Variants in SLIT1 observed in about 807,000 individuals in gnomAD.
SLIT1 encodes the protein slit guidance ligand 1, also known as slit homolog 1 protein.
In SLIT1, 66 loss-of-function variants were observed where a neutral mutation model predicts 186.1. The ratio of observed to expected loss-of-function variants is 0.35; its 90% CI spans 0.29 to 0.44. The LOEUF (loss-of-function observed/expected upper bound fraction) is 0.44, where lower values mean the gene tolerates loss of function less well. Ranked by LOEUF, SLIT1 falls within the 20% of genes least tolerant of loss-of-function variation. The pLI is 1.00. For synonymous variants in SLIT1, 761 were observed against 833.8 expected (o/e 0.91, Z 1.50); for missense variants, 1,638 against 2,037.4 (o/e 0.80, Z 3.77).
At position 97,002,191 on chromosome 10, in the gene SLIT1, C is replaced by A; in HGVS notation, c.4333G>T (p.Asp1445Tyr). Residue 1445 changes from aspartate (D) to tyrosine (Y), a missense_variant, in exon 36 of 37, where the codon GAC becomes TAC. Around this residue, in one of 3 missense-constraint regions of SLIT1, gnomAD observed 220 missense variants for 211.3 expected, o/e 1.04. Coordinates refer to ENST00000266058, the MANE Select transcript of SLIT1 (RefSeq NM_003061.3). The part of the protein sequence containing the change: ...SGTKGAHCVC[D>Y]PGFSGELCEQ... ...CACAGCTCGCCCGAAAAGCCGGGGT[C>A]ACACACACAGTGTGCCCCCTTGGTG... 2 of 1,533,420 alleles carry A rather than the reference C, an allele frequency of 1.3e-6. No homozygotes were observed. Among genetic ancestry groups the A allele is most frequent in the South Asian group, 2.4e-5 (2 of 83,148 alleles). 95.0% of individuals were successfully genotyped at this position (1,533,420 alleles called of 1,614,324 possible).
At chr10:97,087,170 C>T (rs1849169838) in intron 4 of SLIT1, among the ~76,000 whole-genome samples, 2 of 150,562 alleles carry the variant, frequency 1.3e-5, no homozygotes, top group Non-Finnish European at 2.9e-5. Flanking sequence ...AGCCCCCTGC[C>T]GCCACCACCC....
At chr10:97,163,341 G>GC (rs1423480193) in intron 3 of SLIT1, 39 bp downstream of exon 3, 3 of 1,576,350 alleles carry the variant, frequency 1.9e-6, no homozygotes, top group South Asian at 1.1e-5. Context: ...TCTCGTGCCA[G>GC]CCCCCCGCCC....
At chr10:97,165,016 C>T (rs1850085260) in intron 1 of SLIT1, 126 bp from the exon 2 acceptor site, 3 of 715,902 alleles carry the variant, frequency 4.2e-6, no homozygotes, top group East Asian at 5.4e-5. Flanking sequence ...CTGGGGGCTT[C>T]TGTGAGTTGA....
chr10:97,133,190 C>T (rs1472045872), intron 4 of SLIT1, among the ~76,000 whole-genome samples: 1 of 152,144 alleles, frequency 6.6e-6, no homozygotes, highest in African/African-American at 2.4e-5. Context: ...AAAAGGAAAT[C>T]CTGACACATG....
At chr10:97,082,978 T>C (rs1849120660) in intron 4 of SLIT1, among the ~76,000 whole-genome samples, 1 of 152,212 alleles carries the variant, frequency 6.6e-6, no homozygotes, top group Non-Finnish European at 1.5e-5. Context: ...AGTGGCATAA[T>C]TGTAGCTCAC....
chr10:97,114,990 C>T (rs758306013), intron 4 of SLIT1, among the ~76,000 whole-genome samples: 12 of 152,202 alleles, frequency 7.9e-5, no homozygotes, highest in Non-Finnish European at 1.6e-4. Context: ...CCTGCCATTA[C>T]CCATGACAGT....
chr10:97,083,432 G>A (rs141796900), intron 4 of SLIT1, among the ~76,000 whole-genome samples: 1 of 152,330 alleles, frequency 6.6e-6, no homozygotes, highest in African/African-American at 2.4e-5. Context: ...TATGTCGGCA[G>A]TGACACTTGA....
chr10:97,046,733 T>A lies in SLIT1; in HGVS notation c.1774A>T (p.Ser592Cys), dbSNP rs1589373653. The change falls in exon 18 of 37, where the codon AGC becomes TGC. Residue 592 changes from serine to cysteine, a missense_variant. By Grantham distance (112) the Ser-to-Cys change is moderately radical. Around this residue, in one of 3 missense-constraint regions of SLIT1, gnomAD observed 1,245 missense variants for 1,535.3 expected, o/e 0.81. Coordinates refer to ENST00000266058, the MANE Select transcript of SLIT1 (RefSeq NM_003061.3). Reference protein sequence around the residue: ...DGAFEGAASVSELHLTANQLE... With the variant: ...DGAFEGAASVCELHLTANQLE... Reference sequence around the variant, plus strand: ...TGGTTGGCAGTTAGGTGCAGCTCGCTCACAGAGGCTGCGCCCTCGAAGGCC... The same window carrying A: ...TGGTTGGCAGTTAGGTGCAGCTCGCACACAGAGGCTGCGCCCTCGAAGGCC... The A allele has an allele frequency of 6.2e-7, 1 of 1,612,614 alleles. No individual in the cohort carries two copies. Among genetic ancestry groups the A allele is most frequent in the East Asian group, 2.2e-5 (1 of 44,888 alleles).
chr10:97,079,320 A>G (rs1003349341), intron 4 of SLIT1, among the ~76,000 whole-genome samples: 4 of 151,992 alleles, frequency 2.6e-5, no homozygotes, highest in Non-Finnish European at 5.9e-5. Context: ...GCTTCTAGGA[A>G]CTCATGATGT....
intron 1 of SLIT1, among the ~76,000 whole-genome samples, chr10:97,174,142 T>C (rs1850226736): frequency 6.6e-6 from 1 of 152,074 alleles, no homozygotes; most frequent in Non-Finnish European, 1.5e-5. Context: ...CCCACTTATC[T>C]CCTCTGGAGC....
intron 4 of SLIT1, among the ~76,000 whole-genome samples, chr10:97,115,508 G>A (rs1849501028): frequency 6.6e-6 from 1 of 152,140 alleles, no homozygotes; most frequent in Admixed American, 6.5e-5. Flanking sequence ...GTTCTCTGGA[G>A]ATGAGAAGCC....
intron 1 of SLIT1, among the ~76,000 whole-genome samples, chr10:97,168,030 T>C (rs1007339632): frequency 6.6e-6 from 1 of 152,208 alleles, no homozygotes; most frequent in Non-Finnish European, 1.5e-5. Flanking sequence ...AAACTGCTTA[T>C]GTAGAAACTC....
chr10:97,137,527 T>C (rs1269855187), intron 4 of SLIT1, among the ~76,000 whole-genome samples: 1 of 152,140 alleles, frequency 6.6e-6, no homozygotes, highest in East Asian at 1.9e-4. Context: ...AAGCTTAATG[T>C]TTCTTTTCCT....
rs1378555692 is a variant in SLIT1 at position 97,063,470 on chromosome 10, C to G, written c.778G>C (p.Glu260Gln). 4.3e-6 allele frequency: 7 copies of G among 1,612,658 alleles called. No homozygotes were observed. The highest frequency in any genetic ancestry group is 5.9e-6 in the Non-Finnish European group (7 of 1,179,978). Residue 260 changes from glutamate (E) to glutamine (Q), a missense_variant, in exon 8 of 37, where the codon GAG (glutamate) becomes CAG (glutamine). Glu to Gln is a conservative substitution (Grantham distance 29). Around this residue, in one of 3 missense-constraint regions of SLIT1, gnomAD observed 1,245 missense variants for 1,535.3 expected, o/e 0.81. Coordinates refer to ENST00000266058, the MANE Select transcript of SLIT1 (RefSeq NM_003061.3). The part of the protein sequence containing the change: ...GLNVAEVQKS[E>Q]FSCSGQGEAG... ...CTGCACCCACCTGAGCAGCTGAACT[C>G]ACTCTTCTGGACCTCTGCCACATTG...
intron 34 of SLIT1, 141 bp downstream of exon 34, chr10:97,003,927 G>T (rs1848335005): frequency 1.3e-6 from 1 of 761,758 alleles, no homozygotes; most frequent in Non-Finnish European, 2.2e-6. Context: ...CAGGCAGCGA[G>T]GCCAGTCCAC....
chr10:97,074,809 C>A (rs1849031222), intron 4 of SLIT1, among the ~76,000 whole-genome samples: 1 of 152,244 alleles, frequency 6.6e-6, no homozygotes, highest in Non-Finnish European at 1.5e-5. Context: ...GCCCCTCCTT[C>A]TGCACACTCT....
Position 97,006,763 on chromosome 10 carries a change from G to A in SLIT1, c.3342-43C>T. 1 of 1,334,146 alleles carries A rather than the reference G, an allele frequency of 7.5e-7. No homozygotes were observed. The highest frequency in any genetic ancestry group is 1.1e-6 in the Non-Finnish European group (1 of 929,304). 82.6% of individuals were successfully genotyped at this position (1,334,146 alleles called of 1,614,324 possible). The stretch of plus-strand genomic sequence containing the variant: ...AAGTCAGAGAGGGCCAAGGAGGAAG[G>A]GAGTATCTTCCTCTCCCACAGCCCT... On this transcript the variant is annotated intron_variant, in intron 31 of 36. Coordinates refer to ENST00000266058, the MANE Select transcript of SLIT1 (RefSeq NM_003061.3). The surrounding 1 kb of genome is among the most constrained non-coding windows in gnomAD (Gnocchi z 4.0).
intron 4 of SLIT1, among the ~76,000 whole-genome samples, chr10:97,133,591 G>A (rs993784863): frequency 1.7e-4 from 26 of 152,102 alleles, no homozygotes; most frequent in Non-Finnish European, 1.5e-5. Flanking sequence ...GGTCCACAAC[G>A]ATGCGAACTT....
At chr10:97,126,572 A>G (rs377426127) in intron 4 of SLIT1, among the ~76,000 whole-genome samples, 2 of 152,256 alleles carry the variant, frequency 1.3e-5, no homozygotes, top group South Asian at 2.1e-4. Context: ...CTGGCTCTCA[A>G]AGAGCAGGTC....
Sources: gnomAD v4.1 joint callset for allele counts (sites outside exome capture counted in the v4.1 genomes callset) on GRCh38, gnomAD v4.1.1 for gene constraint, gnomAD v4.1.1 regional missense constraint, Gnocchi (gnomAD v3.1) non-coding constraint, MANE v1.5 for transcripts, NCBI Gene and HGNC (gene_info 2026-07-23, HGNC 2026-07-21) for gene names.